Variants in ZBTB2 observed in about 807,000 individuals in gnomAD.
ZBTB2 encodes the protein zinc finger and BTB domain-containing protein 2.
In ZBTB2, 2 loss-of-function variants were observed where a neutral mutation model predicts 39.5. That is an observed-to-expected ratio of 0.05 (90% CI 0.02 to 0.16). The LOEUF (loss-of-function observed/expected upper bound fraction) is 0.16, where lower values mean the gene tolerates loss of function less well. ZBTB2 is among the 10% of genes least tolerant of loss of function. The pLI, the probability that ZBTB2 is intolerant of heterozygous loss-of-function variation, is 1.00. For missense variants in ZBTB2, 391 were observed against 653.0 expected, an observed-to-expected ratio of 0.60 and a Z score of 4.37; for synonymous variants, 251 against 256.6, an observed-to-expected ratio of 0.98 and a Z score of 0.21.
At chr6:151,369,504 G>A (rs937922007) in intron 2 of ZBTB2, among the ~76,000 whole-genome samples, 3 of 152,076 alleles carry the variant, frequency 2.0e-5, no homozygotes, top group Non-Finnish European at 4.4e-5. Context: ...AACTTTTATA[G>A]AGACAGGGCC....
At chr6:151,371,521 G>A (rs921329299) in intron 2 of ZBTB2, among the ~76,000 whole-genome samples, 4 of 152,166 alleles carry the variant, frequency 2.6e-5, no homozygotes, top group East Asian at 1.9e-4. Context: ...AGCAAAATGC[G>A]GTCCAGGTGA....
At chr6:151,378,385 T>C (rs141549864) in intron 1 of ZBTB2, among the ~76,000 whole-genome samples, 194 of 152,300 alleles carry the variant, frequency 1.3e-3, no homozygotes, top group African/African-American at 4.5e-3. Context: ...ACAGATGGTA[T>C]GGATCAGTTT....
At chr6:151,376,109 C>T (rs965753056) in intron 1 of ZBTB2, among the ~76,000 whole-genome samples, 5 of 152,062 alleles carry the variant, frequency 3.3e-5, no homozygotes, top group African/African-American at 7.2e-5. Context: ...AAATGGTGCA[C>T]GATCTACTGG....
intron 1 of ZBTB2, among the ~76,000 whole-genome samples, chr6:151,373,950 A>G (rs987842094): frequency 6.6e-6 from 1 of 151,678 alleles, no homozygotes; most frequent in East Asian, 1.9e-4. Context: ...GTAATGGAGA[A>G]GCCAGGAAAT....
At chr6:151,375,182 T>G (rs1011095236) in intron 1 of ZBTB2, among the ~76,000 whole-genome samples, 7 of 151,876 alleles carry the variant, frequency 4.6e-5, no homozygotes, top group Non-Finnish European at 1.0e-4. Context: ...GTTTGGCAAG[T>G]CATAAACATA....
At chr6:151,375,065 A>G (rs1778879403) in intron 1 of ZBTB2, among the ~76,000 whole-genome samples, 1 of 152,092 alleles carries the variant, frequency 6.6e-6, no homozygotes, top group Admixed American at 6.6e-5. Flanking sequence ...GCTTGCGGTG[A>G]GCCGAGCTCA....
intron 2 of ZBTB2, chr6:151,370,012 T>C (rs1429289856): frequency 1.3e-6 from 1 of 744,484 alleles, no homozygotes; most frequent in Admixed American, 6.3e-5. Context: ...TCCAGGCAGC[T>C]TGACCTCTGT....
Position 151,367,793 on chromosome 6 carries a change from A to C in ZBTB2, c.174-901T>G, listed in dbSNP as rs201898508. On this transcript the variant is annotated intron_variant, in intron 2 of 2. Transcript: ENST00000325144. The stretch of plus-strand genomic sequence containing the variant: ...TAAGTGATTTATCTAAGGCACCTAA[A>C]GCCGTTGAAGATGCTATTAATTTTA... Among the ~76,000 whole-genome samples, 34 of 152,374 alleles carry C rather than the reference A, an allele frequency of 2.2e-4. No homozygotes were observed. In the East Asian group the frequency reaches 5.6e-3, roughly 25 times the overall value.
rs762738481 is a variant in ZBTB2 at position 151,366,066 on chromosome 6, G to C, written c.1000C>G (p.Gln334Glu). The stretch of plus-strand genomic sequence containing the variant: ...TCTGAGGGGGGTGGGGTTTCCGACT[G>C]CTGCTGCCCATCGATGATGGGAGAA... Reference protein sequence around the residue: ...SDSPIIDGQQQSETPPPSDIA... With the variant: ...SDSPIIDGQQESETPPPSDIA... Residue 334 changes from glutamine to glutamate, a missense_variant, in exon 3 of 3, where the codon CAG becomes GAG. Physicochemically the swap from Gln to Glu is conservative, Grantham distance 29. Around this residue, in one of 7 missense-constraint regions of ZBTB2, gnomAD observed 80 missense variants for 125.2 expected, o/e 0.64. Coordinates refer to ENST00000325144, the MANE Select transcript of ZBTB2 (RefSeq NM_020861.3). This position sits in a 1 kb window ranked among gnomAD's most constrained non-coding sequence, Gnocchi z 7.1. The C allele has an allele frequency of 9.9e-6, 16 of 1,614,038 alleles. No individual in the cohort carries two copies. Among genetic ancestry groups the C allele is most frequent in the Non-Finnish European group, 1.3e-5 (15 of 1,180,042 alleles).
chr6:151,376,639 A>T (rs1223478315), intron 1 of ZBTB2, among the ~76,000 whole-genome samples: 2 of 152,184 alleles, frequency 1.3e-5, no homozygotes, highest in Non-Finnish European at 2.9e-5. Flanking sequence ...AGCAAATTAA[A>T]ACCACAGTAT....
chr6:151,385,930 C>T (rs1779140712), intron 1 of ZBTB2, among the ~76,000 whole-genome samples: 1 of 152,018 alleles, frequency 6.6e-6, no homozygotes, highest in Non-Finnish European at 1.5e-5. Context: ...CTTAACATTT[C>T]CTTAGTCAAC....
intron 1 of ZBTB2, among the ~76,000 whole-genome samples, chr6:151,389,646 G>C (rs1779238971): frequency 6.6e-6 from 1 of 152,178 alleles, no homozygotes; most frequent in Non-Finnish European, 1.5e-5. Context: ...ATAGAATCAA[G>C]GCTCACAAAC....
chr6:151,366,196 G>T lies in ZBTB2; in HGVS notation c.870C>A (p.Arg290=), dbSNP rs199606427. 3 of 1,614,028 alleles carry T rather than the reference G, an allele frequency of 1.9e-6. No homozygotes were observed. Among genetic ancestry groups the T allele is most frequent in the East Asian group, 2.2e-5 (1 of 44,874 alleles). The part of the protein sequence containing the change: ...PFTSSQQGES[R]VPLTLCSNAA... ...CATTGCTACAGAGAGTCAGGGGGACGCGACTTTCTCCCTGTTGGCTAGATG... is the reference window on the plus strand; with the variant it reads ...CATTGCTACAGAGAGTCAGGGGGACTCGACTTTCTCCCTGTTGGCTAGATG... Residue 290 remains arginine (R), a synonymous_variant, in exon 3 of 3, where the codon CGC becomes CGA. Coordinates refer to ENST00000325144, the MANE Select transcript of ZBTB2 (RefSeq NM_020861.3). The surrounding 1 kb of genome is among the most constrained non-coding windows in gnomAD (Gnocchi z 7.1).
intron 2 of ZBTB2, chr6:151,370,043 C>T (rs191880471): frequency 2.6e-5 from 25 of 944,686 alleles, no homozygotes; most frequent in South Asian, 1.5e-4. Context: ...GCTCACTATG[C>T]GCCAGACTTT....
chr6:151,378,842 T>TA (rs2114869835), intron 1 of ZBTB2, among the ~76,000 whole-genome samples: 1 of 152,342 alleles, frequency 6.6e-6, no homozygotes, highest in Admixed American at 6.5e-5. Flanking sequence ...TATGGAGTGC[T>TA]ACTATTGGCC....
intron 2 of ZBTB2, among the ~76,000 whole-genome samples, chr6:151,371,017 ACTC>A (rs1333744719): frequency 1.3e-5 from 2 of 152,026 alleles, no homozygotes; most frequent in African/African-American, 2.4e-5. Flanking sequence ...GTATTTTTGC[ACTC>A]CTCAAGATTA....
At chr6:151,389,017 C>T (rs1582926457) in intron 1 of ZBTB2, among the ~76,000 whole-genome samples, 1 of 152,330 alleles carries the variant, frequency 6.6e-6, no homozygotes. Flanking sequence ...CTTACGATGG[C>T]TTCAATAACT....
chr6:151,381,649 T>TC (rs1347016313), intron 1 of ZBTB2, among the ~76,000 whole-genome samples: 3 of 152,254 alleles, frequency 2.0e-5, no homozygotes, highest in Admixed American at 2.0e-4. Flanking sequence ...CACCATCTAA[T>TC]AGTTGCTTAC....
At chr6:151,390,507 A>G (rs1227549369) in intron 1 of ZBTB2, among the ~76,000 whole-genome samples, 1 of 147,932 alleles carries the variant, frequency 6.8e-6, no homozygotes, top group Non-Finnish European at 1.5e-5. Context: ...GCCGTGCGCA[A>G]CGCCCCGGCC....
Sources: gnomAD v4.1 joint callset for allele counts (sites outside exome capture counted in the v4.1 genomes callset) on GRCh38, gnomAD v4.1.1 for gene constraint, gnomAD v4.1.1 regional missense constraint, Gnocchi (gnomAD v3.1) non-coding constraint, MANE v1.5 for transcripts, NCBI Gene and HGNC (gene_info 2026-07-23, HGNC 2026-07-21) for gene names.